Variants in ZBTB7B observed in about 807,000 individuals in gnomAD.
ZBTB7B encodes the protein zinc finger and BTB domain-containing protein 7B.
ZBTB7B carries 8 observed loss-of-function variants against 31.0 expected under a neutral mutation model. The ratio of observed to expected loss-of-function variants is 0.26; its 90% confidence interval spans 0.15 to 0.47. The LOEUF (loss-of-function observed/expected upper bound fraction) is 0.47. Among genes scored for constraint, ZBTB7B ranks in the 20% least tolerant of loss-of-function variants. The probability of loss-of-function intolerance (pLI) is 0.99; values close to 1 mark genes in which losing one functional copy is unlikely to be tolerated. For missense variants in ZBTB7B, 494 were observed against 742.4 expected (o/e 0.67, Z 3.89); for synonymous variants, 261 against 307.3 (o/e 0.85, Z 1.58).
At position 155,017,923 on chromosome 1, in the gene ZBTB7B, A is replaced by G. The variant is rs1178923500; in HGVS notation, c.*1238A>G. ...TGCTCTTAGGATTGAATCCACCCCC[A>G]TTCTGTACATAGCCTCTTCTGTTGG... On this transcript the variant is annotated 3_prime_UTR_variant, in exon 3 of 3. Coordinates refer to ENST00000535420, the MANE Select transcript of ZBTB7B (RefSeq NM_001256455.2). 1 of 153,646 alleles carries G rather than the reference A, an allele frequency of 6.5e-6. No individual in the cohort carries two copies. Among genetic ancestry groups the G allele is most frequent in the Non-Finnish European group, 1.5e-5 (1 of 68,938 alleles). The allele number at this position is 153,646 out of a possible 1,614,324, so 9.5% of individuals were successfully genotyped here.
At chr1:155,010,680 G>C (rs1209575714) in intron 1 of ZBTB7B, among the ~76,000 whole-genome samples, 1 of 152,126 alleles carries the variant, frequency 6.6e-6, no homozygotes, top group African/African-American at 2.4e-5. Context: ...AAGGATTCCT[G>C]GGTCCCTTAG....
rs774982140 is a variant in ZBTB7B at position 155,016,435 on chromosome 1, T to C, written c.1370T>C (p.Val457Ala). The change falls in exon 3 of 3, where the codon GTG becomes GCG. Residue 457 changes from valine to alanine, a missense_variant. By Grantham distance (64) the Val-to-Ala change is moderately conservative. Coordinates refer to ENST00000535420, the MANE Select transcript of ZBTB7B (RefSeq NM_001256455.2). This position sits in a 1 kb window ranked among gnomAD's most constrained non-coding sequence, Gnocchi z 4.3. ...CTCAAAGGCCAGAACTGCCTGGAGG[T>C]GCGCACCCGACGGCGCCGCAAGGAC... is the stretch of plus-strand genomic sequence containing the variant. ...RHLKGQNCLE[V>A]RTRRRRKDDA... The C allele has an allele frequency of 2.5e-5, 41 of 1,613,796 alleles. No homozygotes were observed. The Admixed American group carries it at 6.8e-4, about 27-fold the overall frequency.
At chr1:155,005,948 G>A (rs1658534968) in intron 1 of ZBTB7B, among the ~76,000 whole-genome samples, 1 of 152,212 alleles carries the variant, frequency 6.6e-6, no homozygotes, top group Non-Finnish European at 1.5e-5. Flanking sequence ...CCACCATCAA[G>A]TGTTTGGTGG....
chr1:155,007,735 G>A (rs372385979), intron 1 of ZBTB7B, among the ~76,000 whole-genome samples: 1 of 152,194 alleles, frequency 6.6e-6, no homozygotes, highest in Admixed American at 6.5e-5. Context: ...GGGAGCAGGG[G>A]GGTAGGAGGG....
Position 155,007,036 on chromosome 1 carries a change from AG to A in ZBTB7B, c.-7+4094del, listed in dbSNP as rs145898142. On this transcript the variant is annotated intron_variant, in intron 1 of 2. Transcript: ENST00000535420. ...TGCACACTGGGAGTTGTAGTCCTTGAGCTCTCAATTTGGCTGAGTCTGGAAG... is the reference window on the plus strand; with the variant it reads ...TGCACACTGGGAGTTGTAGTCCTTGACTCTCAATTTGGCTGAGTCTGGAAG... Among the ~76,000 whole-genome samples the A allele has an allele frequency of 2.2e-4, 33 of 152,312 alleles. No individual in the cohort carries two copies. In the East Asian group the frequency reaches 6.4e-3, roughly 29 times the overall value.
At chr1:155,010,895 T>C (rs1658922559) in intron 1 of ZBTB7B, 1 of 1,529,996 alleles carries the variant, frequency 6.5e-7, no homozygotes, top group Non-Finnish European at 8.8e-7. Context: ...GAGCCTCAGG[T>C]CTCTCCATCA....
intron 1 of ZBTB7B, among the ~76,000 whole-genome samples, chr1:155,005,613 G>A (rs937513491): frequency 3.9e-5 from 6 of 152,232 alleles, no homozygotes; most frequent in African/African-American, 7.2e-5. Context: ...CCTCTGCCCC[G>A]CTTGGCTCCC....
rs1246184089 is a variant in ZBTB7B, at chr1:155,016,653, C to T, written c.1588C>T (p.Pro530Ser). The change falls in exon 3 of 3, where the codon CCC (proline) becomes TCC (serine). Residue 530 changes from proline (P) to serine (S), a missense_variant. Physicochemically the swap from Pro to Ser is moderately conservative, Grantham distance 74. Coordinates refer to ENST00000535420, the MANE Select transcript of ZBTB7B (RefSeq NM_001256455.2). This position sits in a 1 kb window ranked among gnomAD's most constrained non-coding sequence, Gnocchi z 4.3. ...TGAGGAGGAAGGGGCACCCACCACACCCCAGGCTGAAGGTGCCATGGAGTC... is the reference window on the plus strand; with the variant it reads ...TGAGGAGGAAGGGGCACCCACCACATCCCAGGCTGAAGGTGCCATGGAGTC... ...DDEEEGAPTTPQAEGAMESS is the reference protein window; with the variant it reads ...DDEEEGAPTTSQAEGAMESS The T allele has an allele frequency of 1.9e-6, 3 of 1,584,552 alleles. No homozygotes were observed. The highest frequency in any genetic ancestry group is 1.7e-6 in the Non-Finnish European group (2 of 1,163,766).
At position 155,008,482 on chromosome 1, in the gene ZBTB7B, C is replaced by A. The variant is rs561450461; in HGVS notation, c.-7+5539C>A. 6.6e-5 allele frequency among the ~76,000 whole-genome samples: 10 copies of A among 152,200 alleles called. No individual in the cohort carries two copies. The South Asian group carries it at 2.1e-3, about 32-fold the overall frequency. On this transcript the variant is annotated intron_variant, in intron 1 of 2. Transcript: ENST00000535420. The stretch of plus-strand genomic sequence containing the variant: ...GGGGCTGGGACCCAGGCACCTGTCA[C>A]CCCTGGCACTGACTGTCCAGGGTTC...
intron 1 of ZBTB7B, 38 bp from the exon 2 acceptor site, chr1:155,014,617 C>A: frequency 6.4e-7 from 1 of 1,572,888 alleles, no homozygotes; most frequent in Non-Finnish European, 8.6e-7. Flanking sequence ...CCCCTGTGGG[C>A]TGAGCGCTCT....
At chr1:155,002,228 G>A (rs1393660496), upstream of ZBTB7B, among the ~76,000 whole-genome samples, 43 of 151,936 alleles carry the variant, frequency 2.8e-4, no homozygotes, top group Admixed American at 2.8e-3. Context: ...GAGCGGACAG[G>A]GCGGTGGCGT....
chr1:155,008,047 C>T (rs1658668718), intron 1 of ZBTB7B, among the ~76,000 whole-genome samples: 1 of 152,134 alleles, frequency 6.6e-6, no homozygotes, highest in Non-Finnish European at 1.5e-5. Context: ...CAGGCCCAGG[C>T]GGGTCCCACC....
In ZBTB7B at chr1:155,015,467, C is replaced by T. The variant is rs772200065; in HGVS notation, c.807C>T (p.Ser269=). The T allele has an allele frequency of 1.4e-5, 22 of 1,603,030 alleles. No individual in the cohort carries two copies. In the African/African-American group the frequency reaches 2.8e-4, roughly 20 times the overall value. Residue 269 remains serine, a synonymous_variant, in exon 2 of 3, where the codon AGC becomes AGT. Coordinates refer to ENST00000535420, the MANE Select transcript of ZBTB7B (RefSeq NM_001256455.2). The part of the protein sequence containing the change: ...GTASPPEGPQ[S]YEPYEGEEEE... ...CCTCCCCTCCTGAGGGTCCCCAGAG[C>T]TACGAACCCTATGAGGGTGAGGAAG...
At chr1:155,009,321 C>A (rs551352947) in intron 1 of ZBTB7B, among the ~76,000 whole-genome samples, 1 of 150,974 alleles carries the variant, frequency 6.6e-6, no homozygotes, top group South Asian at 2.1e-4. Context: ...TTTCTGCTGG[C>A]GGCTTGGCGG....
In ZBTB7B at chr1:155,015,227, T is replaced by TCCGCCA. The variant is rs758276776; in HGVS notation, c.576_581dup (p.Pro193_Pro194dup). ...CTCCACAGGTGCCCCTCCCACCACC[T>TCCGCCA]CCGCCACCGCCACCTCGGCCTGTTG... On this transcript the variant is annotated inframe_insertion, in exon 2 of 3. Coordinates refer to ENST00000535420, the MANE Select transcript of ZBTB7B (RefSeq NM_001256455.2). 5.0e-6 allele frequency: 8 copies of TCCGCCA among 1,612,550 alleles called. No individual in the cohort carries two copies. In the African/African-American group the frequency reaches 8.0e-5, roughly 16 times the overall value.
chr1:155,016,927 T>G lies in ZBTB7B; in HGVS notation c.*242T>G. On this transcript the variant is annotated 3_prime_UTR_variant, in exon 3 of 3. Coordinates refer to ENST00000535420, the MANE Select transcript of ZBTB7B (RefSeq NM_001256455.2). The surrounding 1 kb of genome is among the most constrained non-coding windows in gnomAD (Gnocchi z 4.3). ...TATATTGTGTATATATTTACAGCTG[T>G]ATTGTAAAAGTGGGGTCCCTGTCCC... The G allele has an allele frequency of 2.4e-6, 1 of 418,162 alleles. No homozygotes were observed. The highest frequency in any genetic ancestry group is 4.3e-6 in the Non-Finnish European group (1 of 234,584). The allele number at this position is 418,162 out of a possible 1,614,324, so 25.9% of individuals were successfully genotyped here. A position where few individuals can be genotyped will look rare whatever the true frequency, so the allele number is the denominator to read the frequency against.
In ZBTB7B at chr1:155,014,858, C is replaced by T. The variant is rs775270351; in HGVS notation, c.198C>T (p.Gly66=). The change falls in exon 2 of 3, where the codon GGC becomes GGT. Residue 66 remains glycine (G), a synonymous_variant. Coordinates refer to ENST00000535420, the MANE Select transcript of ZBTB7B (RefSeq NM_001256455.2). ...SHYFKKLFTE[G]GGGAVMGAGG... ...ACTTCAAGAAGCTTTTCACTGAGGG[C>T]GGTGGCGGAGCTGTCATGGGGGCCG... 1.9e-5 allele frequency: 30 copies of T among 1,613,998 alleles called. 1 individual carries two copies. The South Asian group carries it at 2.0e-4, about 11-fold the overall frequency.
At chr1:155,012,142 C>T (rs930309017) in intron 1 of ZBTB7B, among the ~76,000 whole-genome samples, 3 of 152,162 alleles carry the variant, frequency 2.0e-5, no homozygotes, top group Non-Finnish European at 2.9e-5. Flanking sequence ...GCGTGGTGAA[C>T]GAGCCTGAGC....
chr1:155,015,047 G>T lies in ZBTB7B; in HGVS notation c.387G>T (p.Glu129Asp). Residue 129 changes from glutamate to aspartate, a missense_variant, in exon 2 of 3, where the codon GAG becomes GAT. Around this residue, in one of 5 missense-constraint regions of ZBTB7B, gnomAD observed 90 missense variants for 143.2 expected, o/e 0.63. Transcript: ENST00000535420. ...PAVLQAARLL[E>D]IPCVIAACME... ...TGCTCCAGGCTGCCCGCCTGCTGGA[G>T]ATCCCGTGTGTCATCGCTGCTTGCA... 6.2e-7 allele frequency: 1 copy of T among 1,613,916 alleles called. No individual in the cohort carries two copies. The highest frequency in any genetic ancestry group is 8.5e-7 in the Non-Finnish European group (1 of 1,180,014).
Sources: gnomAD v4.1 joint callset for allele counts (sites outside exome capture counted in the v4.1 genomes callset) on GRCh38, gnomAD v4.1.1 for gene constraint, gnomAD v4.1.1 regional missense constraint, Gnocchi (gnomAD v3.1) non-coding constraint, MANE v1.5 for transcripts, NCBI Gene and HGNC (gene_info 2026-07-23, HGNC 2026-07-21) for gene names.